Variants in FBXL5 observed in about 807,000 individuals in gnomAD.
The protein encoded by FBXL5 is F-box/LRR-repeat protein 5.
A neutral mutation model predicts 78.3 loss-of-function variants in FBXL5; 26 were observed. That is an observed-to-expected ratio of 0.33 (90% CI 0.24 to 0.46). The LOEUF is 0.46. FBXL5 is among the 20% of genes least tolerant of loss of function. FBXL5 has a pLI of 1.00. For synonymous variants in FBXL5, 295 were observed against 282.5 expected, an observed-to-expected ratio of 1.04 and a Z score of -0.45; for missense variants, 710 against 829.2, an observed-to-expected ratio of 0.86 and a Z score of 1.77.
chr4:15,627,748 T>A (rs935983215), intron 7 of FBXL5, 137 bp downstream of exon 7: 2 of 674,484 alleles, frequency 3.0e-6, no homozygotes, highest in Non-Finnish European at 5.0e-6. Flanking sequence ...AACCTAGCAG[T>A]GTATGCCTAC....
intron 5 of FBXL5, among the ~76,000 whole-genome samples, chr4:15,631,491 A>G (rs985563447): frequency 6.6e-6 from 1 of 152,190 alleles, no homozygotes; most frequent in African/African-American, 2.4e-5. Flanking sequence ...AGGAATCGCC[A>G]CACTGTCTTC....
At chr4:15,607,250 A>T (rs1179748995) in intron 10 of FBXL5, among the ~76,000 whole-genome samples, 1 of 152,186 alleles carries the variant, frequency 6.6e-6, no homozygotes, top group African/African-American at 2.4e-5. Flanking sequence ...ATGGTACATG[A>T]GGATTCGTTG....
At chr4:15,628,268 A>G (rs1459615851) in intron 6 of FBXL5, among the ~76,000 whole-genome samples, 1 of 152,226 alleles carries the variant, frequency 6.6e-6, no homozygotes, top group Non-Finnish European at 1.5e-5. Context: ...AATGATCCAT[A>G]GTAAAACGTA....
chr4:15,606,117 A>G (rs1439889805), intron 10 of FBXL5, among the ~76,000 whole-genome samples: 1 of 152,190 alleles, frequency 6.6e-6, no homozygotes, highest in East Asian at 1.9e-4. Flanking sequence ...GCTAACTTAT[A>G]AAAAGATTCT....
chr4:15,681,516 C>A, exon 1 of FBXL5: 1 of 159,328 alleles, frequency 6.3e-6, no homozygotes. Context: ...ACATCCGGCC[C>A]GCCCACCAGC....
chr4:15,637,955 C>T (rs571912582), intron 4 of FBXL5, among the ~76,000 whole-genome samples: 4 of 149,428 alleles, frequency 2.7e-5, no homozygotes, highest in African/African-American at 9.8e-5. Context: ...TTTGTATTCT[C>T]AGAGTAACAA....
intron 1 of FBXL5, among the ~76,000 whole-genome samples, chr4:15,648,166 A>C (rs934621410): frequency 2.6e-5 from 4 of 152,178 alleles, no homozygotes; most frequent in African/African-American, 9.7e-5. Flanking sequence ...TACCTGTGAT[A>C]ATTTAATAAG....
At chr4:15,634,054 T>C (rs559063870) in intron 5 of FBXL5, among the ~76,000 whole-genome samples, 1 of 152,350 alleles carries the variant, frequency 6.6e-6, no homozygotes, top group Admixed American at 6.5e-5. Flanking sequence ...GATGCCAATA[T>C]GATACCCAAA....
intron 5 of FBXL5, 136 bp downstream of exon 5, chr4:15,636,358 C>T (rs1714264477): frequency 3.0e-6 from 2 of 664,408 alleles, no homozygotes; most frequent in Non-Finnish European, 4.5e-6. Flanking sequence ...ATATATACCA[C>T]CAAAACATCA....
chr4:15,668,780 C>T (rs1717647987), intron 1 of FBXL5, among the ~76,000 whole-genome samples: 1 of 152,110 alleles, frequency 6.6e-6, no homozygotes, highest in Non-Finnish European at 1.5e-5. Context: ...AGTGATAAAG[C>T]CTTATTATCA....
At chr4:15,616,503 C>G (rs1034315744) in intron 9 of FBXL5, among the ~76,000 whole-genome samples, 1 of 152,240 alleles carries the variant, frequency 6.6e-6, no homozygotes, top group East Asian at 1.9e-4. Flanking sequence ...TCATGCCTGC[C>G]CATCTGCCAT....
upstream of FBXL5, among the ~76,000 whole-genome samples, chr4:15,658,903 G>A (rs79170721): frequency 0.033 from 5,085 of 152,176 alleles, 115 homozygotes; most frequent in South Asian, 0.093. Context: ...CATATTCAGC[G>A]TTAAACTGGA....
intron 9 of FBXL5, among the ~76,000 whole-genome samples, chr4:15,618,516 T>C (rs953003139): frequency 1.3e-5 from 2 of 152,220 alleles, no homozygotes; most frequent in South Asian, 2.1e-4. Context: ...CAAAATAGTT[T>C]CACTGATAAA....
intron 6 of FBXL5, among the ~76,000 whole-genome samples, chr4:15,629,731 G>A (rs1713431134): frequency 6.6e-6 from 1 of 151,968 alleles, no homozygotes; most frequent in Non-Finnish European, 1.5e-5. Flanking sequence ...ATCAAAATGT[G>A]GCACATCTGC....
chr4:15,675,993 T>G (rs1019723380), intron 1 of FBXL5, among the ~76,000 whole-genome samples: 17 of 151,892 alleles, frequency 1.1e-4, no homozygotes, highest in Admixed American at 1.0e-3. Flanking sequence ...TTAAAAGGAG[T>G]GAGAGGTGAA....
At chr4:15,667,746 T>A (rs988034185) in intron 1 of FBXL5, among the ~76,000 whole-genome samples, 19 of 152,146 alleles carry the variant, frequency 1.2e-4, no homozygotes, top group Non-Finnish European at 2.8e-4. Context: ...GTCTTCTCAT[T>A]TGACTTCCTG....
chr4:15,616,578 C>T (rs1711907664), intron 9 of FBXL5, among the ~76,000 whole-genome samples: 1 of 152,232 alleles, frequency 6.6e-6, no homozygotes, highest in Non-Finnish European at 1.5e-5. Context: ...CAGGAAACAT[C>T]CCATTCAATT....
rs1712048172 is a variant in FBXL5, at chr4:15,617,650, A to G, written c.1851-5236T>C. Among the ~76,000 whole-genome samples the G allele has an allele frequency of 2.0e-5, 3 of 152,272 alleles. No homozygotes were observed. In the South Asian group the frequency reaches 6.2e-4, roughly 32 times the overall value. On this transcript the variant is annotated intron_variant, in intron 9 of 10. Coordinates refer to ENST00000341285, the MANE Select transcript of FBXL5 (RefSeq NM_012161.4). Reference sequence around the variant, plus strand: ...ATGTACTTTCCAGGGACATGGGTGGAGCTGGAACTAACAAACTAGCAAACT... The same window carrying G: ...ATGTACTTTCCAGGGACATGGGTGGGGCTGGAACTAACAAACTAGCAAACT...
At chr4:15,638,432 A>G in intron 4 of FBXL5, 76 bp downstream of exon 4, 1 of 1,135,668 alleles carries the variant, frequency 8.8e-7, no homozygotes, top group South Asian at 1.9e-5. Context: ...TCCTCAACCA[A>G]AATCTACAGT....
Sources: allele counts gnomAD v4.1 joint callset (sites outside exome capture counted in the v4.1 genomes callset), GRCh38; gene constraint gnomAD v4.1.1; transcripts MANE v1.5; gene names NCBI Gene and HGNC (gene_info 2026-07-23, HGNC 2026-07-21).